AAK1: variants seen among roughly 807,000 people sequenced by gnomAD.
The protein encoded by AAK1 is AP2 associated kinase 1, also known as AP2-associated protein kinase 1.
Under a neutral mutation model 116.0 loss-of-function variants are expected in AAK1, and 37 were observed. The ratio of observed to expected loss-of-function variants is 0.32; its 90% CI spans 0.25 to 0.42. AAK1 has a LOEUF of 0.42. Among genes scored for constraint, AAK1 ranks in the 10% least tolerant of loss-of-function variants. AAK1 has a pLI of 1.00. For synonymous variants in AAK1, 458 were observed against 439.9 expected (o/e 1.04, Z -0.51); for missense variants, 919 against 1,170.6 (o/e 0.79, Z 3.14).
Position 69,607,046 on chromosome 2 carries a change from C to CAA in AAK1, c.163+35830_163+35831dup, listed in dbSNP as rs61156108. Among the ~76,000 whole-genome samples the CAA allele has an allele frequency of 3.6e-3, 245 of 67,968 alleles. 1 individual carries two copies. Among genetic ancestry groups the CAA allele is most frequent in the Middle Eastern group, 0.01 (1 of 98 alleles). The allele number at this position is 67,968 out of a possible 152,430, so 44.6% of individuals were successfully genotyped here. A position where few individuals can be genotyped will look rare whatever the true frequency, so the allele number is the denominator to read the frequency against. On this transcript the variant is annotated intron_variant, in intron 2 of 21. Transcript: ENST00000409085. ...ACACAATTGCACTCCAGTCTTGCCTCAAAAAAAAAAAAAAAAAAAAAAAGT... is the reference window on the plus strand; with the variant it reads ...ACACAATTGCACTCCAGTCTTGCCTCAAAAAAAAAAAAAAAAAAAAAAAAAGT...
At chr2:69,587,411 G>A (rs182515367) in intron 2 of AAK1, among the ~76,000 whole-genome samples, 34 of 150,578 alleles carry the variant, frequency 2.3e-4, no homozygotes, top group South Asian at 2.1e-4. Context: ...ATATACACAT[G>A]TGTATATATA....
chr2:69,466,110 G>A lies in AAK1; in HGVS notation c.*9759C>T, dbSNP rs1162164967. The A allele has an allele frequency of 7.7e-7, 1 of 1,290,792 alleles. No individual in the cohort carries two copies. The highest frequency in any genetic ancestry group is 2.3e-5 in the Admixed American group (1 of 43,566). The allele number at this position is 1,290,792 out of a possible 1,614,324, so 80.0% of individuals were successfully genotyped here. A position where few individuals can be genotyped will look rare whatever the true frequency, so the allele number is the denominator to read the frequency against. Reference sequence around the variant, plus strand: ...TGGAACCCTTGAGCTCCTGAAGGGAGCTATGGCAAAAACATCTGGCTCACT... The same window carrying A: ...TGGAACCCTTGAGCTCCTGAAGGGAACTATGGCAAAAACATCTGGCTCACT... On this transcript the variant is annotated 3_prime_UTR_variant, in exon 22 of 22. Transcript: ENST00000409085.
intron 2 of AAK1, among the ~76,000 whole-genome samples, chr2:69,590,679 T>TATC (rs1672991242): frequency 6.6e-6 from 1 of 152,242 alleles, no homozygotes; most frequent in Non-Finnish European, 1.5e-5. Flanking sequence ...GGAATCCCAA[T>TATC]ATCAATACAT....
rs1574176849 is a variant in AAK1 at position 69,459,455 on chromosome 2, G to A, written c.*16414C>T. 1.3e-5 allele frequency: 2 copies of A among 152,282 alleles called. No individual in the cohort carries two copies. Among genetic ancestry groups the A allele is most frequent in the Admixed American group, 6.6e-5 (1 of 15,256 alleles). The allele number at this position is 152,282 out of a possible 1,614,324, so 9.4% of individuals were successfully genotyped here. On this transcript the variant is annotated 3_prime_UTR_variant, in exon 22 of 22. Coordinates refer to ENST00000409085, the MANE Select transcript of AAK1 (RefSeq NM_014911.5). ...ATTTTTGTATTTTTTGTAGAGACAAGGTTTTGCCATGTTGCCCAGGTTGGT... is the reference window on the plus strand; with the variant it reads ...ATTTTTGTATTTTTTGTAGAGACAAAGTTTTGCCATGTTGCCCAGGTTGGT...
At chr2:69,594,867 C>T in intron 2 of AAK1, 1 of 1,557,802 alleles carries the variant, frequency 6.4e-7, no homozygotes, top group Non-Finnish European at 8.8e-7. Flanking sequence ...TTAGCACAAT[C>T]TTCTTTGTAG....
chr2:69,625,572 A>G (rs1674859899), intron 2 of AAK1, among the ~76,000 whole-genome samples: 1 of 152,208 alleles, frequency 6.6e-6, no homozygotes, highest in African/African-American at 2.4e-5. Context: ...GGAACTGGGA[A>G]GCAATGTGTC....
At position 69,465,672 on chromosome 2, in the gene AAK1, C is replaced by A. The variant is rs1558881774; in HGVS notation, c.*10197G>T. 3 of 1,290,868 alleles carry A rather than the reference C, an allele frequency of 2.3e-6. No homozygotes were observed. Among genetic ancestry groups the A allele is most frequent in the South Asian group, 2.5e-5 (2 of 81,022 alleles). The allele number at this position is 1,290,868 out of a possible 1,614,324, so 80.0% of individuals were successfully genotyped here. A position where few individuals can be genotyped will look rare whatever the true frequency, so the allele number is the denominator to read the frequency against. On this transcript the variant is annotated 3_prime_UTR_variant, in exon 22 of 22. Transcript: ENST00000409085. ...GCGGAATGGTTTGCCAGCCATGGGG[C>A]CTGAGACAGCTTCTTTCTGGAGCTG...
At chr2:69,599,944 A>AT (rs57552852) in intron 2 of AAK1, among the ~76,000 whole-genome samples, 2,488 of 138,330 alleles carry the variant, frequency 0.018, 52 homozygotes, top group African/African-American at 0.05. Context: ...TATCCAGCTA[A>AT]TTTTTTTTTT....
At chr2:69,584,725 C>T (rs1233433261) in intron 2 of AAK1, among the ~76,000 whole-genome samples, 1 of 152,214 alleles carries the variant, frequency 6.6e-6, no homozygotes, top group Non-Finnish European at 1.5e-5. Flanking sequence ...CGCACACAGG[C>T]AGCGACTGGT....
chr2:69,538,509 G>T (rs551122337), intron 5 of AAK1, among the ~76,000 whole-genome samples: 1 of 152,250 alleles, frequency 6.6e-6, no homozygotes, highest in Non-Finnish European at 1.5e-5. Context: ...TGGTAACTAC[G>T]TAAGCTGGAC....
At position 69,514,615 on chromosome 2, in the gene AAK1, CTGT is replaced by C. The variant is rs1558925394; in HGVS notation, c.1629_1631del (p.Gln546del). 6.3e-7 allele frequency: 1 copy of C among 1,587,600 alleles called. No individual in the cohort carries two copies. Among genetic ancestry groups the C allele is most frequent in the Admixed American group, 1.8e-5 (1 of 55,488 alleles). Reference sequence around the variant, plus strand: ...GATGCAGGGCTGTGGCCAGCTGTTGCTGTTGCTGTTGTTGTTGCTGCTGCTGCT... The same window carrying C: ...GATGCAGGGCTGTGGCCAGCTGTTGCTGCTGTTGTTGTTGCTGCTGCTGCT... On this transcript the variant is annotated inframe_deletion, in exon 13 of 22. Coordinates refer to ENST00000409085, the MANE Select transcript of AAK1 (RefSeq NM_014911.5).
intron 3 of AAK1, among the ~76,000 whole-genome samples, chr2:69,551,903 C>T (rs1671197930): frequency 6.6e-6 from 1 of 152,344 alleles, no homozygotes; most frequent in East Asian, 1.9e-4. Flanking sequence ...GCTAACAGTT[C>T]TCTTTGCGTT....
At chr2:69,574,486 C>T (rs554586919) in intron 2 of AAK1, among the ~76,000 whole-genome samples, 7 of 150,444 alleles carry the variant, frequency 4.7e-5, no homozygotes, top group Non-Finnish European at 1.0e-4. Context: ...GCAGGAGGAT[C>T]GCTGGAGCCA....
intron 9 of AAK1, 146 bp downstream of exon 9, chr2:69,527,070 C>T: frequency 3.3e-6 from 2 of 605,698 alleles, no homozygotes; most frequent in Non-Finnish European, 3.0e-6. Flanking sequence ...TTTATGGCAA[C>T]TGCTTCACAG....
intron 2 of AAK1, 128 bp from the exon 3 acceptor site, chr2:69,557,106 G>A (rs1223239802): frequency 2.9e-6 from 2 of 682,460 alleles, no homozygotes; most frequent in Admixed American, 2.1e-5. Context: ...AGCCTTTAGG[G>A]CTAGCCTGTT....
intron 2 of AAK1, among the ~76,000 whole-genome samples, chr2:69,604,855 T>C (rs542360605): frequency 1.8e-4 from 28 of 152,220 alleles, no homozygotes; most frequent in African/African-American, 6.0e-4. Flanking sequence ...AGCCAAAACC[T>C]TTCTCCTTCT....
chr2:69,470,208 GA>G lies in AAK1; in HGVS notation c.*5660del, dbSNP rs1436636278. On this transcript the variant is annotated 3_prime_UTR_variant, in exon 22 of 22. Transcript: ENST00000409085. ...AAGAACGGTTACAGGGAGTATCAAA[GA>G]TATGATTCTTGCCAAAAACAGAAAA... is the stretch of plus-strand genomic sequence containing the variant. 5.1e-6 allele frequency: 5 copies of G among 985,270 alleles called. No individual in the cohort carries two copies. Among genetic ancestry groups the G allele is most frequent in the Non-Finnish European group, 6.0e-6 (5 of 829,930 alleles). The allele number at this position is 985,270 out of a possible 1,614,324, so 61.0% of individuals were successfully genotyped here.
At position 69,461,517 on chromosome 2, in the gene AAK1, T is replaced by TAAA. The variant is rs1674340806; in HGVS notation, c.*14351_*14352insTTT. Reference sequence around the variant, plus strand: ...GCATCACCAAAAAAAAAAAAAAAAGTAATTTGCATGTGTTTGCATCCGTTT... The same window carrying TAAA: ...GCATCACCAAAAAAAAAAAAAAAAGTAAAAATTTGCATGTGTTTGCATCCGTTT... On this transcript the variant is annotated 3_prime_UTR_variant, in exon 22 of 22. Transcript: ENST00000409085. 2 of 214,646 alleles carry TAAA rather than the reference T, an allele frequency of 9.3e-6. No homozygotes were observed. Among genetic ancestry groups the TAAA allele is most frequent in the African/African-American group, 2.5e-5 (1 of 39,284 alleles). 13.3% of individuals were successfully genotyped at this position (214,646 alleles called of 1,614,324 possible). A position where few individuals can be genotyped will look rare whatever the true frequency, so the allele number is the denominator to read the frequency against.
chr2:69,631,496 A>G (rs1046919013), intron 2 of AAK1, among the ~76,000 whole-genome samples: 6 of 152,224 alleles, frequency 3.9e-5, no homozygotes, highest in Admixed American at 6.5e-5. Flanking sequence ...ACAAAGCTTC[A>G]GTTGGCACTG....
Sources: allele counts gnomAD v4.1 joint callset (sites outside exome capture counted in the v4.1 genomes callset), GRCh38; gene constraint gnomAD v4.1.1; transcripts MANE v1.5; gene names NCBI Gene and HGNC (gene_info 2026-07-23, HGNC 2026-07-21).